The following PRDM11 variants were observed in gnomAD, a reference collection of about 807,000 sequenced individuals.
PRDM11 encodes the protein PR domain-containing protein 11.
PRDM11 carries 20 observed loss-of-function variants against 97.8 expected under a neutral mutation model. The observed-to-expected ratio is 0.20, with a 90% CI of 0.14 to 0.30. PRDM11 has a LOEUF of 0.30. PRDM11 is among the 10% of genes least tolerant of loss of function. The probability of loss-of-function intolerance (pLI) is 1.00; values close to 1 mark genes in which losing one functional copy is unlikely to be tolerated. For synonymous variants in PRDM11, 599 were observed against 637.7 expected (o/e 0.94, Z 0.91); for missense variants, 1,139 against 1,555.2 (o/e 0.73, Z 4.50).
chr11:45,163,795 A>G (rs970419073), intron 1 of PRDM11, among the ~76,000 whole-genome samples: 1 of 152,168 alleles, frequency 6.6e-6, no homozygotes, highest in African/African-American at 2.4e-5. Context: ...CTCAGCCCCT[A>G]TTTAAGAGAT....
intron 1 of PRDM11, among the ~76,000 whole-genome samples, chr11:45,163,991 G>T (rs909149003): frequency 2.0e-5 from 3 of 152,170 alleles, no homozygotes; most frequent in African/African-American, 7.2e-5. Context: ...CAGGGAAGGC[G>T]CAGCTCACGG....
In PRDM11 at chr11:45,101,567, A is replaced by AAAAAAAAAAG. The variant is rs767802218; in HGVS notation, c.96+5668_96+5669insAAAAAAAGAA. Among the ~76,000 whole-genome samples the AAAAAAAAAAG allele has an allele frequency of 9.1e-4, 88 of 96,854 alleles. 4 individuals carry two copies. The highest frequency in any genetic ancestry group is 2.0e-3 in the African/African-American group (42 of 20,546). 63.5% of individuals were successfully genotyped at this position (96,854 alleles called of 152,430 possible). ...CAACACTCTGTCTCAAAAAAAAAAA[A>AAAAAAAAAAG]AAGAAGAAGAAGAAGAAGAAGAAGA... On this transcript the variant is annotated intron_variant, in intron 1 of 6. Coordinates refer to the PRDM11 transcript ENST00000530656.
chr11:45,126,394 T>G (rs1302798619), intron 1 of PRDM11, among the ~76,000 whole-genome samples: 1 of 152,138 alleles, frequency 6.6e-6, no homozygotes, highest in Non-Finnish European at 1.5e-5. Flanking sequence ...GTTAGCTGGT[T>G]ATTTTGCTCA....
chr11:45,156,612 A>G (rs541972041), intron 1 of PRDM11, among the ~76,000 whole-genome samples: 15 of 152,266 alleles, frequency 9.9e-5, no homozygotes, highest in Non-Finnish European at 1.6e-4. Flanking sequence ...TCACAAAAAT[A>G]TCTGTTGGCA....
chr11:45,111,738 T>C (rs972208530), intron 1 of PRDM11, among the ~76,000 whole-genome samples: 4 of 152,058 alleles, frequency 2.6e-5, no homozygotes, highest in South Asian at 2.1e-4. Flanking sequence ...GAGGGAGAAA[T>C]GCTTCCATCG....
Position 45,146,715 on chromosome 11 carries a change from G to T in PRDM11, c.-169G>T. 6.7e-6 allele frequency: 1 copy of T among 150,334 alleles called. No individual in the cohort carries two copies. 9.3% of individuals were successfully genotyped at this position (150,334 alleles called of 1,614,324 possible). A position where few individuals can be genotyped will look rare whatever the true frequency, so the allele number is the denominator to read the frequency against. ...AGCGAGTCGCCGCCGCCGCCGCGCC[G>T]AGGCTGGCGCTGAAACTTTGCCTCG... On this transcript the variant is annotated 5_prime_UTR_variant, in exon 1 of 8. Coordinates refer to ENST00000683152, the MANE Select transcript of PRDM11 (RefSeq NM_001384648.1).
rs1327769347 is a variant in PRDM11, at chr11:45,227,042, G to A, written c.2417G>A (p.Arg806Gln). Residue 806 changes from arginine to glutamine, a missense_variant, in exon 8 of 8, where the codon CGG becomes CAG. By Grantham distance (43) the Arg-to-Gln change is conservative. This residue lies in a region of PRDM11 where 710 missense variants were observed against 1,044.9 expected (regional missense o/e 0.68). Coordinates refer to ENST00000683152, the MANE Select transcript of PRDM11 (RefSeq NM_001384648.1). The surrounding 1 kb of genome is among the most constrained non-coding windows in gnomAD (Gnocchi z 8.0). ...RYSPRLMCEL[R>Q]STAATLCEET... The stretch of plus-strand genomic sequence containing the variant: ...TCACCGCGCCTCATGTGCGAGCTGC[G>A]GTCCACGGCGGCCACCCTTTGTGAG... The A allele has an allele frequency of 3.9e-6, 6 of 1,533,928 alleles. No individual in the cohort carries two copies. Among genetic ancestry groups the A allele is most frequent in the East Asian group, 2.4e-5 (1 of 40,906 alleles).
chr11:45,124,628 T>A (rs891580562), intron 1 of PRDM11, among the ~76,000 whole-genome samples: 2 of 152,264 alleles, frequency 1.3e-5, no homozygotes, highest in East Asian at 3.8e-4. Context: ...TCTGTTTATA[T>A]GCTGGATTAC....
intron 1 of PRDM11, among the ~76,000 whole-genome samples, chr11:45,148,771 G>A (rs1267215924): frequency 6.6e-6 from 1 of 152,162 alleles, no homozygotes; most frequent in Non-Finnish European, 1.5e-5. Context: ...TGGACTTACA[G>A]GGAGTTTCCC....
At chr11:45,126,832 G>A (rs7952433) in intron 1 of PRDM11, among the ~76,000 whole-genome samples, 65,936 of 151,800 alleles carry the variant, frequency 0.43, 17,252 homozygotes, top group Non-Finnish European at 0.58. Flanking sequence ...TGCTCTTCTC[G>A]AGGAGTATCT....
upstream of PRDM11, among the ~76,000 whole-genome samples, chr11:45,146,173 A>T (rs1244203719): frequency 6.6e-6 from 1 of 152,076 alleles, no homozygotes; most frequent in Non-Finnish European, 1.5e-5. Flanking sequence ...TTGTATCTCC[A>T]AACTGCTGAG....
intron 5 of PRDM11, among the ~76,000 whole-genome samples, chr11:45,211,247 T>C (rs952517402): frequency 6.6e-6 from 1 of 152,152 alleles, no homozygotes; most frequent in African/African-American, 2.4e-5. Context: ...ACAGGACTCT[T>C]ACCAAGCTGG....
At chr11:45,127,427 T>C (rs1852600630) in intron 1 of PRDM11, among the ~76,000 whole-genome samples, 2 of 152,228 alleles carry the variant, frequency 1.3e-5, no homozygotes, top group Admixed American at 1.3e-4. Context: ...TTTTAGAGTT[T>C]CCAGTTTTTC....
At chr11:45,155,285 A>T (rs1284622957) in intron 1 of PRDM11, among the ~76,000 whole-genome samples, 1 of 152,190 alleles carries the variant, frequency 6.6e-6, no homozygotes, top group East Asian at 1.9e-4. Flanking sequence ...CAGGGGATGG[A>T]GATGGCCGGC....
intron 1 of PRDM11, among the ~76,000 whole-genome samples, chr11:45,111,875 A>T (rs1368571570): frequency 6.6e-6 from 1 of 152,180 alleles, no homozygotes; most frequent in African/African-American, 2.4e-5. Context: ...CTGGTGATCA[A>T]ATCAGGCTGA....
chr11:45,096,380 C>G (rs757710015), intron 1 of PRDM11, among the ~76,000 whole-genome samples: 1 of 152,210 alleles, frequency 6.6e-6, no homozygotes, highest in Non-Finnish European at 1.5e-5. Context: ...TTCATTCACA[C>G]GTCTTAACAT....
chr11:45,172,581 G>C (rs1442832433), intron 1 of PRDM11, among the ~76,000 whole-genome samples: 1 of 152,128 alleles, frequency 6.6e-6, no homozygotes, highest in Non-Finnish European at 1.5e-5. Context: ...ACCAAATACA[G>C]TCAACCCCTC....
Position 45,226,972 on chromosome 11 carries a change from G to A in PRDM11, c.2347G>A (p.Glu783Lys). 1 of 1,533,928 alleles carries A rather than the reference G, an allele frequency of 6.5e-7. No individual in the cohort carries two copies. The highest frequency in any genetic ancestry group is 1.4e-5 in the African/African-American group (1 of 73,090). Residue 783 changes from glutamate (E) to lysine (K), a missense_variant, in exon 8 of 8, where the codon GAG becomes AAG. Physicochemically the swap from Glu to Lys is moderately conservative, Grantham distance 56 (BLOSUM62 1). Transcript: ENST00000683152. Reference sequence around the variant, plus strand: ...CGGGAAGGAGCTCCCATGCCTGGAGGAGCTGGAGAACAACCTGAAGCAGCT... The same window carrying A: ...CGGGAAGGAGCTCCCATGCCTGGAGAAGCTGGAGAACAACCTGAAGCAGCT... ...ISGKELPCLE[E>K]LENNLKQLLS...
In PRDM11 at chr11:45,182,388, A is replaced by G. The variant is rs760963617; in HGVS notation, c.223+39A>G. The G allele has an allele frequency of 4.5e-6, 7 of 1,559,174 alleles. No individual in the cohort carries two copies. In the East Asian group the frequency reaches 6.8e-5, roughly 15 times the overall value. ...GGGGCTCTGGGCTGCTCCTCCCTTCACCCCCATCGCCCCATTCCTGGCTAG... is the reference window on the plus strand; with the variant it reads ...GGGGCTCTGGGCTGCTCCTCCCTTCGCCCCCATCGCCCCATTCCTGGCTAG... On this transcript the variant is annotated intron_variant, in intron 3 of 7. Transcript: ENST00000683152.
Sources: gnomAD v4.1 joint callset for allele counts (sites outside exome capture counted in the v4.1 genomes callset) on GRCh38, gnomAD v4.1.1 for gene constraint, gnomAD v4.1.1 regional missense constraint, Gnocchi (gnomAD v3.1) non-coding constraint, MANE v1.5 for transcripts, NCBI Gene and HGNC (gene_info 2026-07-23, HGNC 2026-07-21) for gene names.